Variants in AP4M1 observed in about 807,000 individuals in gnomAD.
AP4M1 encodes the protein adaptor related protein complex 4 subunit mu 1.
AP4M1 carries 58 observed loss-of-function variants against 62.4 expected under a neutral mutation model. The ratio of observed to expected loss-of-function variants is 0.93; its 90% CI spans 0.75 to 1.16. AP4M1 has a LOEUF of 1.16. Among genes scored for constraint, AP4M1 ranks in the 50% most tolerant of loss-of-function variants. The pLI is 0.00. For missense variants in AP4M1, 626 were observed against 585.4 expected (o/e 1.07, Z -0.72); for synonymous variants, 290 against 239.7 (o/e 1.21, Z -1.94).
Position 100,102,664 on chromosome 7 carries a change from CTG to C in AP4M1, c.148-7_148-6del. ...TTTTTAACGCCTCTCTTCTCCCTGC[CTG>C]TGTCTCAGCATCACCATGGCCGTCA... On this transcript the variant is annotated splice_polypyrimidine_tract_variant and intron_variant, in intron 2 of 14. Coordinates refer to ENST00000359593, the MANE Select transcript of AP4M1 (RefSeq NM_004722.4). 2 of 1,613,152 alleles carry C rather than the reference CTG, an allele frequency of 1.2e-6. No homozygotes were observed. The highest frequency in any genetic ancestry group is 1.7e-6 in the Non-Finnish European group (2 of 1,179,182).
chr7:100,103,298 G>T (rs544599926), intron 4 of AP4M1, 111 bp from the exon 5 acceptor site: 1 of 935,922 alleles, frequency 1.1e-6, no homozygotes. Flanking sequence ...CCTACGTCTC[G>T]GCCTTCCAAA....
In AP4M1 at chr7:100,106,672, G is replaced by A. The variant is rs1403678494; in HGVS notation, c.1152G>A (p.Gly384=). Reference sequence around the variant, plus strand: ...GCCCCTCACAGATGGACGTCCCAGGGCCCCCAGGACCTCCCAGCCATGGGC... The same window carrying A: ...GCCCCTCACAGATGGACGTCCCAGGACCCCCAGGACCTCCCAGCCATGGGC... ...LSGLFQMDVP[G]PPGPPSHGLS... is the part of the protein sequence containing the mutation. The change falls in exon 15 of 15, where the codon GGG becomes GGA. Residue 384 remains glycine (G), a synonymous_variant. Coordinates refer to ENST00000359593, the MANE Select transcript of AP4M1 (RefSeq NM_004722.4). 4 of 1,613,096 alleles carry A rather than the reference G, an allele frequency of 2.5e-6. No individual in the cohort carries two copies. In the Admixed American group the frequency reaches 5.0e-5, roughly 20 times the overall value.
intron 14 of AP4M1, 24 bp from the exon 15 acceptor site, chr7:100,106,634 T>C (rs1562912909): frequency 1.5e-6 from 2 of 1,375,118 alleles, no homozygotes; most frequent in Non-Finnish European, 1.9e-6. Flanking sequence ...CCCTCCTTCC[T>C]CTCCCTGCCT....
chr7:100,104,820 G>A (rs1478261988), intron 7 of AP4M1, 54 bp from the exon 8 acceptor site: 38 of 1,601,632 alleles, frequency 2.4e-5, no homozygotes, highest in Admixed American at 5.0e-5. Flanking sequence ...GAGCGAGACC[G>A]TCTCAAAAAA....
In AP4M1 at chr7:100,107,313, G is replaced by A; in HGVS notation, c.*431G>A. 2 of 1,533,842 alleles carry A rather than the reference G, an allele frequency of 1.3e-6. No homozygotes were observed. Among genetic ancestry groups the A allele is most frequent in the African/African-American group, 1.4e-5 (1 of 72,476 alleles). On this transcript the variant is annotated 3_prime_UTR_variant, in exon 15 of 15. Coordinates refer to ENST00000359593, the MANE Select transcript of AP4M1 (RefSeq NM_004722.4). ...ATTGGCTTTTGGAGTCCCTGGAGCT[G>A]GAGGGGGACTGTCCCCAGCCTCCTG... is the stretch of plus-strand genomic sequence containing the variant.
Position 100,108,604 on chromosome 7 carries a change from G to C in AP4M1, c.*1722G>C. On this transcript the variant is annotated 3_prime_UTR_variant, in exon 15 of 15. Coordinates refer to ENST00000359593, the MANE Select transcript of AP4M1 (RefSeq NM_004722.4). ...GGGAAAAAAGCCAGGTAGAGGGAGG[G>C]CTGGTGACACTCTTGAGAAGAACCT... is the stretch of plus-strand genomic sequence containing the variant. 1.8e-5 allele frequency: 27 copies of C among 1,502,064 alleles called. No individual in the cohort carries two copies. Among genetic ancestry groups the C allele is most frequent in the East Asian group, 2.3e-5 (1 of 43,798 alleles). 93.0% of individuals were successfully genotyped at this position (1,502,064 alleles called of 1,614,324 possible).
In AP4M1 at chr7:100,106,506, C is replaced by T. The variant is rs1317345484; in HGVS notation, c.1129C>T (p.Leu377Phe). ...RVQGGSQLSG[L>F]FQMDVPGPPG... Reference sequence around the variant, plus strand: ...GCAAGGAGGCTCTCAACTCTCAGGCCTTTTCCAGGTATTCGCTGTGGACCC... The same window carrying T: ...GCAAGGAGGCTCTCAACTCTCAGGCTTTTTCCAGGTATTCGCTGTGGACCC... The change falls in exon 14 of 15, where the codon CTT becomes TTT. Residue 377 changes from leucine (L) to phenylalanine (F), a missense_variant. Transcript: ENST00000359593. 1 of 1,613,352 alleles carries T rather than the reference C, an allele frequency of 6.2e-7. No homozygotes were observed.
In AP4M1 at chr7:100,108,135, A is replaced by G. The variant is rs1255590668; in HGVS notation, c.*1253A>G. 1.3e-6 allele frequency: 2 copies of G among 1,585,492 alleles called. No individual in the cohort carries two copies. The highest frequency in any genetic ancestry group is 1.1e-5 in the South Asian group (1 of 88,054). Reference sequence around the variant, plus strand: ...AGCGTGGGCCGGGGCTGCGGGGAGAAGAGGAAAGGGGGAAGTGGCACCATC... The same window carrying G: ...AGCGTGGGCCGGGGCTGCGGGGAGAGGAGGAAAGGGGGAAGTGGCACCATC... On this transcript the variant is annotated 3_prime_UTR_variant, in exon 15 of 15. Transcript: ENST00000359593.
In AP4M1 at chr7:100,107,459, G is replaced by T. The variant is rs141242300; in HGVS notation, c.*577G>T. Reference sequence around the variant, plus strand: ...CCCCTGTTGGGGGAAGTGAGACCACGATGTACTTCTGGACACTCCCAGGAC... The same window carrying T: ...CCCCTGTTGGGGGAAGTGAGACCACTATGTACTTCTGGACACTCCCAGGAC... On this transcript the variant is annotated 3_prime_UTR_variant, in exon 15 of 15. Transcript: ENST00000359593. 10 of 1,613,016 alleles carry T rather than the reference G, an allele frequency of 6.2e-6. No homozygotes were observed. In the Admixed American group the frequency reaches 8.4e-5, roughly 13 times the overall value.
intron 2 of AP4M1, 165 bp downstream of exon 2, chr7:100,102,133 C>T (rs907971576): frequency 2.6e-6 from 2 of 766,794 alleles, no homozygotes; most frequent in Non-Finnish European, 4.4e-6. Context: ...GTAATCCCAG[C>T]ACTTTGGGAG....
rs1283085774 is a variant in AP4M1 at position 100,105,044 on chromosome 7, G to C, written c.674-1G>C. ...TCTCCTGATGGTCTCTCCTCCGACA[G>C]AGATGCGCATTGGCTTGACGGAAGA... is the stretch of plus-strand genomic sequence containing the variant. On this transcript the variant is annotated splice_acceptor_variant, in intron 8 of 14. Coordinates refer to ENST00000359593, the MANE Select transcript of AP4M1 (RefSeq NM_004722.4). LOFTEE classifies it high-confidence loss of function. The C allele has an allele frequency of 6.2e-7, 1 of 1,614,192 alleles. No individual in the cohort carries two copies. Among genetic ancestry groups the C allele is most frequent in the Non-Finnish European group, 8.5e-7 (1 of 1,180,028 alleles).
chr7:100,103,316 G>A, intron 4 of AP4M1, 93 bp from the exon 5 acceptor site: 1 of 1,110,418 alleles, frequency 9.0e-7, no homozygotes, highest in Non-Finnish European at 1.4e-6. Flanking sequence ...AAAGCGCTGA[G>A]AGTACAGGAG....
At chr7:100,102,241 C>T (rs751927578) in intron 2 of AP4M1, 105 of 544,798 alleles carry the variant, frequency 1.9e-4, no homozygotes, top group Admixed American at 1.0e-3. Flanking sequence ...AAAAAAAAAA[C>T]ATAGCTGGGC....
chr7:100,108,521 A>G lies in AP4M1; in HGVS notation c.*1639A>G. 1 of 1,611,334 alleles carries G rather than the reference A, an allele frequency of 6.2e-7. No homozygotes were observed. The highest frequency in any genetic ancestry group is 1.1e-5 in the South Asian group (1 of 91,004). ...GTCAGGCGGTGGGCGCAGCTTTGCC[A>G]GAACAGGAGCACAGTGTTTCTGCAG... On this transcript the variant is annotated 3_prime_UTR_variant, in exon 15 of 15. Transcript: ENST00000359593.
At position 100,106,504 on chromosome 7, in the gene AP4M1, GC is replaced by G. The variant is rs1432802140; in HGVS notation, c.1129del (p.Leu377PhefsTer67). 6.2e-7 allele frequency: 1 copy of G among 1,613,138 alleles called. No homozygotes were observed. Among genetic ancestry groups the G allele is most frequent in the Non-Finnish European group, 8.5e-7 (1 of 1,179,980 alleles). ...GTGCAAGGAGGCTCTCAACTCTCAGGCCTTTTCCAGGTATTCGCTGTGGACC... is the reference window on the plus strand; with the variant it reads ...GTGCAAGGAGGCTCTCAACTCTCAGGCTTTTCCAGGTATTCGCTGTGGACC... Reference protein sequence around the residue: ...PRVQGGSQLSGLFQMDVPGPP... With the variant: ...PRVQGGSQLSXLFQMDVPGPP... On this transcript the variant is annotated frameshift_variant, in exon 14 of 15. Coordinates refer to ENST00000359593, the MANE Select transcript of AP4M1 (RefSeq NM_004722.4). LOFTEE classifies it high-confidence loss of function.
At chr7:100,101,560 G>A, upstream of AP4M1, 6 of 853,362 alleles carry the variant, frequency 7.0e-6, no homozygotes, top group Non-Finnish European at 1.2e-5. Flanking sequence ...TCCGGGCGGG[G>A]TAGTGCAGGC....
In AP4M1 at chr7:100,107,527, C is replaced by G; in HGVS notation, c.*645C>G. 2 of 1,613,982 alleles carry G rather than the reference C, an allele frequency of 1.2e-6. No homozygotes were observed. Among genetic ancestry groups the G allele is most frequent in the Non-Finnish European group, 8.5e-7 (1 of 1,179,990 alleles). On this transcript the variant is annotated 3_prime_UTR_variant, in exon 15 of 15. Coordinates refer to ENST00000359593, the MANE Select transcript of AP4M1 (RefSeq NM_004722.4). ...GGGGGTGCGGTGGTGGCGGTGGAGA[C>G]CAACTTGACGATGGGCTGCACGCTG...
In AP4M1 at chr7:100,105,962, C is replaced by T; in HGVS notation, c.933C>T (p.Leu311=). Residue 311 remains leucine, a synonymous_variant, in exon 12 of 15, where the codon CTC becomes CTT. Transcript: ENST00000359593. ...GGTGTTTTACCCTCTCATCCAGGCT[C>T]CAGGTTTATCTAAAGTTGCGATGTG... The part of the protein sequence containing the change: ...SVQWDRGSGR[L]QVYLKLRCDL... The T allele has an allele frequency of 6.2e-7, 1 of 1,614,126 alleles. No homozygotes were observed. The highest frequency in any genetic ancestry group is 8.5e-7 in the Non-Finnish European group (1 of 1,180,028).
At chr7:100,105,373 T>G in intron 10 of AP4M1, 27 bp downstream of exon 10, 1 of 1,613,712 alleles carries the variant, frequency 6.2e-7, no homozygotes, top group South Asian at 1.1e-5. Context: ...CCTCATAAAT[T>G]CCGTCCACCA....
Sources: allele counts gnomAD v4.1 joint callset, GRCh38; gene constraint gnomAD v4.1.1; transcripts MANE v1.5; gene names NCBI Gene and HGNC (gene_info 2026-07-23, HGNC 2026-07-21).